Variants in PIK3CD observed in about 807,000 individuals in gnomAD.
The protein encoded by PIK3CD is phosphatidylinositol 4,5-bisphosphate 3-kinase catalytic subunit delta isoform.
PIK3CD carries 20 observed loss-of-function variants against 122.9 expected under a neutral mutation model. The ratio of observed to expected loss-of-function variants is 0.16; its 90% CI spans 0.11 to 0.24. PIK3CD has a LOEUF of 0.24. PIK3CD is among the 10% of genes least tolerant of loss of function. PIK3CD has a pLI of 1.00. For synonymous variants in PIK3CD, 596 were observed against 593.4 expected, an observed-to-expected ratio of 1.00 and a Z score of -0.06; for missense variants, 787 against 1,406.3, an observed-to-expected ratio of 0.56 and a Z score of 7.04.
At chr1:9,665,844 C>T (rs1213325607) in intron 1 of PIK3CD, among the ~76,000 whole-genome samples, 1 of 152,070 alleles carries the variant, frequency 6.6e-6, no homozygotes, top group Non-Finnish European at 1.5e-5. Context: ...ACCTCCGCCT[C>T]CTGGGTTCAA....
In PIK3CD at chr1:9,722,503, C is replaced by T. The variant is rs1489681750; in HGVS notation, c.2348-25C>T. 1 of 1,603,720 alleles carries T rather than the reference C, an allele frequency of 6.2e-7. No individual in the cohort carries two copies. Among genetic ancestry groups the T allele is most frequent in the East Asian group, 2.2e-5 (1 of 44,818 alleles). On this transcript the variant is annotated intron_variant, in intron 18 of 23. Coordinates refer to ENST00000377346, the MANE Select transcript of PIK3CD (RefSeq NM_005026.5). This position sits in a 1 kb window ranked among gnomAD's most constrained non-coding sequence, Gnocchi z 7.6. ...GAGAACCTACCAGAAACTCACGCTT[C>T]TCCTCCCACCGGCCGGTGGCACAGA...
the PIK3CD span, among the ~76,000 whole-genome samples, chr1:9,627,691 G>T: frequency 3.9e-5 from 6 of 152,212 alleles, no homozygotes; most frequent in African/African-American, 9.6e-5. Flanking sequence ...AGGACCAGGG[G>T]CTGAGTCTCC....
rs1241544782 is a variant in PIK3CD, at chr1:9,724,656, C to T, written c.2865-148C>T. The T allele has an allele frequency of 2.6e-6, 3 of 1,152,786 alleles. No homozygotes were observed. Among genetic ancestry groups the T allele is most frequent in the Non-Finnish European group, 3.9e-6 (3 of 767,218 alleles). The allele number at this position is 1,152,786 out of a possible 1,614,324, so 71.4% of individuals were successfully genotyped here. A position where few individuals can be genotyped will look rare whatever the true frequency, so the allele number is the denominator to read the frequency against. ...AGGAGGCTGGCTGGGGCACGGGGGT[C>T]AGTTAGCAGAACTGGAGGCCTTGTG... is the stretch of plus-strand genomic sequence containing the variant. On this transcript the variant is annotated intron_variant, in intron 22 of 23. Transcript: ENST00000377346. This position sits in a 1 kb window ranked among gnomAD's most constrained non-coding sequence, Gnocchi z 7.3.
chr1:9,653,355 T>G (rs1022268481), intron 1 of PIK3CD: 4 of 186,514 alleles, frequency 2.1e-5, no homozygotes, highest in East Asian at 1.3e-4. Context: ...CTGAGTGGTG[T>G]TGTCTTCATT....
intron 2 of PIK3CD, among the ~76,000 whole-genome samples, chr1:9,702,817 G>A (rs1332791626): frequency 5.9e-5 from 9 of 152,018 alleles, no homozygotes; most frequent in African/African-American, 1.7e-4. Context: ...CACCGTGCCC[G>A]GTCAGGGAAA....
In PIK3CD at chr1:9,717,700, G is replaced by A; in HGVS notation, c.1020+74G>A. 7 of 1,334,158 alleles carry A rather than the reference G, an allele frequency of 5.2e-6. No individual in the cohort carries two copies. Among genetic ancestry groups the A allele is most frequent in the Non-Finnish European group, 7.5e-6 (7 of 937,276 alleles). The allele number at this position is 1,334,158 out of a possible 1,614,324, so 82.6% of individuals were successfully genotyped here. On this transcript the variant is annotated intron_variant, in intron 8 of 23. Coordinates refer to ENST00000377346, the MANE Select transcript of PIK3CD (RefSeq NM_005026.5). This position sits in a 1 kb window ranked among gnomAD's most constrained non-coding sequence, Gnocchi z 5.4. Reference sequence around the variant, plus strand: ...AAGGTGGCTGTATCCTGGAGGGGTAGCAGAGGAAGGAGGGGGATCACATGA... The same window carrying A: ...AAGGTGGCTGTATCCTGGAGGGGTAACAGAGGAAGGAGGGGGATCACATGA...
rs1647013257 is a variant in PIK3CD, at chr1:9,710,678, C to T, written c.141+82C>T. 6.7e-7 allele frequency: 1 copy of T among 1,489,404 alleles called. No individual in the cohort carries two copies. The highest frequency in any genetic ancestry group is 1.7e-5 in the Admixed American group (1 of 59,532). 92.3% of individuals were successfully genotyped at this position (1,489,404 alleles called of 1,614,324 possible). A position where few individuals can be genotyped will look rare whatever the true frequency, so the allele number is the denominator to read the frequency against. ...AGACACAGATAGACAGACAGACAGA[C>T]AGACAGATGGACAGGTGGACAGACG... is the stretch of plus-strand genomic sequence containing the variant. On this transcript the variant is annotated intron_variant, in intron 3 of 23. Coordinates refer to ENST00000377346, the MANE Select transcript of PIK3CD (RefSeq NM_005026.5). The surrounding 1 kb of genome is among the most constrained non-coding windows in gnomAD (Gnocchi z 4.7).
chr1:9,709,616 C>A (rs558502802), intron 2 of PIK3CD, among the ~76,000 whole-genome samples: 51 of 152,012 alleles, frequency 3.4e-4, no homozygotes, highest in African/African-American at 1.2e-3. Flanking sequence ...GAGATGGGAA[C>A]ATCGCTTGAA....
the PIK3CD span, among the ~76,000 whole-genome samples, chr1:9,638,719 G>C: frequency 1.8e-5 from 2 of 111,154 alleles, no homozygotes; most frequent in African/African-American, 7.8e-5. Context: ...GTGACAGAGC[G>C]AGACTCCTTC....
chr1:9,655,446 G>GC (rs59942799), intron 1 of PIK3CD, among the ~76,000 whole-genome samples: 6,835 of 76,838 alleles, frequency 0.089, 276 homozygotes, highest in African/African-American at 0.098. Context: ...GGAACCCCCC[G>GC]CCCCCCCCCC....
At position 9,715,935 on chromosome 1, in the gene PIK3CD, C is replaced by T. The variant is rs779489980; in HGVS notation, c.457C>T (p.Arg153Cys). 1.2e-5 allele frequency: 19 copies of T among 1,612,304 alleles called. No homozygotes were observed. The highest frequency in any genetic ancestry group is 1.2e-5 in the Non-Finnish European group (14 of 1,179,868). ...CCAATTCTGCGAGGAGGCGGCCGCC[C>T]GCCGGCAGCAGCTGGGCTGGGAGGC... ...MCQFCEEAAA[R>C]RQQLGWEAWL... The change falls in exon 5 of 24, where the codon CGC becomes TGC. Residue 153 changes from arginine to cysteine, a missense_variant. By Grantham distance (180) the Arg-to-Cys change is radical. This residue lies in a region of PIK3CD where 592 missense variants were observed against 920.6 expected (regional missense o/e 0.64). Transcript: ENST00000377346. The surrounding 1 kb of genome is among the most constrained non-coding windows in gnomAD (Gnocchi z 4.1).
Position 9,724,374 on chromosome 1 carries a change from C to T in PIK3CD, c.2817C>T (p.Val939=), listed in dbSNP as rs759268736. The change falls in exon 22 of 24, where the codon GTC becomes GTT. Residue 939 remains valine, a synonymous_variant. Transcript: ENST00000377346. This position sits in a 1 kb window ranked among gnomAD's most constrained non-coding sequence, Gnocchi z 7.3. ...CATTCATCCTCACCTACGACTTTGT[C>T]CATGTGATTCAGCAGGGGAAGACTA... ...RVPFILTYDF[V]HVIQQGKTNN... The T allele has an allele frequency of 1.7e-5, 27 of 1,613,982 alleles. 1 individual carries two copies. In the Middle Eastern group the frequency reaches 1.3e-3, roughly 79 times the overall value.
At chr1:9,680,272 C>T (rs147351512) in intron 1 of PIK3CD, among the ~76,000 whole-genome samples, 14 of 145,662 alleles carry the variant, frequency 9.6e-5, no homozygotes, top group East Asian at 5.8e-4. Context: ...CACCAAACCC[C>T]GCCTCAGTGG....
chr1:9,680,395 A>G (rs2100212937), intron 1 of PIK3CD, among the ~76,000 whole-genome samples: 1 of 152,068 alleles, frequency 6.6e-6, no homozygotes, highest in East Asian at 1.9e-4. Flanking sequence ...AACTCACTTG[A>G]GCCTAGAAGT....
Position 9,720,281 on chromosome 1 carries a change from C to T in PIK3CD, c.1470+39C>T, listed in dbSNP as rs544666866. 22 of 1,585,988 alleles carry T rather than the reference C, an allele frequency of 1.4e-5. No individual in the cohort carries two copies. Among genetic ancestry groups the T allele is most frequent in the East Asian group, 6.8e-5 (3 of 44,268 alleles). On this transcript the variant is annotated intron_variant, in intron 11 of 23. Transcript: ENST00000377346. The surrounding 1 kb of genome is among the most constrained non-coding windows in gnomAD (Gnocchi z 9.0). ...CCGCCGCGTGAGGCTGAGGGGCTGGCGCGGAGCTCTCCTGGCCCTGCTCCT... is the reference window on the plus strand; with the variant it reads ...CCGCCGCGTGAGGCTGAGGGGCTGGTGCGGAGCTCTCCTGGCCCTGCTCCT...
intron 2 of PIK3CD, among the ~76,000 whole-genome samples, chr1:9,693,876 T>C (rs1646300601): frequency 6.6e-6 from 1 of 151,800 alleles, no homozygotes. Context: ...CGAAAGGTGG[T>C]GTGTGCAGGG....
Position 9,710,332 on chromosome 1 carries a change from T to C in PIK3CD, c.-32-92T>C. 1 of 1,043,906 alleles carries C rather than the reference T, an allele frequency of 9.6e-7. No homozygotes were observed. Among genetic ancestry groups the C allele is most frequent in the Non-Finnish European group, 1.5e-6 (1 of 669,690 alleles). The allele number at this position is 1,043,906 out of a possible 1,614,324, so 64.7% of individuals were successfully genotyped here. The stretch of plus-strand genomic sequence containing the variant: ...GAACTCACTCCTGAGCTTCCTGCTG[T>C]CCAAGGACCCCACTGTTTTCCAGGG... On this transcript the variant is annotated intron_variant, in intron 2 of 23. Transcript: ENST00000377346. This position sits in a 1 kb window ranked among gnomAD's most constrained non-coding sequence, Gnocchi z 4.7.
intron 2 of PIK3CD, among the ~76,000 whole-genome samples, chr1:9,692,767 C>A (rs1197924825): frequency 2.0e-5 from 3 of 151,998 alleles, no homozygotes; most frequent in African/African-American, 7.2e-5. Context: ...AAATATAAAG[C>A]AGAATTTTAA....
intron 2 of PIK3CD, among the ~76,000 whole-genome samples, chr1:9,707,552 C>G (rs972516137): frequency 6.6e-6 from 1 of 151,902 alleles, no homozygotes; most frequent in Admixed American, 6.6e-5. Context: ...TGTGCTGTTC[C>G]CCTCTGTGTG....
Sources: allele counts gnomAD v4.1 joint callset (sites outside exome capture counted in the v4.1 genomes callset), GRCh38; gene constraint gnomAD v4.1.1; regional missense constraint gnomAD v4.1.1; non-coding constraint Gnocchi (gnomAD v3.1); transcripts MANE v1.5; gene names NCBI Gene and HGNC (gene_info 2026-07-23, HGNC 2026-07-21).